Variants in SLC9A2 observed in about 807,000 individuals in gnomAD.
The protein encoded by SLC9A2 is sodium/hydrogen exchanger 2.
In SLC9A2, 42 loss-of-function variants were observed where a neutral mutation model predicts 71.7. The observed-to-expected ratio is 0.59, with a 90% CI of 0.46 to 0.76. SLC9A2 has a LOEUF of 0.76. Ranked by LOEUF, SLC9A2 falls within the 30% of genes least tolerant of loss-of-function variation. SLC9A2 has a pLI of 0.00. For missense variants in SLC9A2, 829 were observed against 1,017.4 expected (o/e 0.81, Z 2.52); for synonymous variants, 396 against 392.5 (o/e 1.01, Z -0.10).
intron 1 of SLC9A2, among the ~76,000 whole-genome samples, chr2:102,621,059 AG>A (rs60482207): frequency 0.021 from 3,190 of 152,204 alleles, 119 homozygotes; most frequent in African/African-American, 0.072. Context: ...CGGGAGGCTG[AG>A]GGAGGGAATT....
chr2:102,661,632 G>A (rs1234673025), intron 2 of SLC9A2, among the ~76,000 whole-genome samples: 1 of 152,044 alleles, frequency 6.6e-6, no homozygotes, highest in Non-Finnish European at 1.5e-5. Flanking sequence ...AAAGTTCAAA[G>A]TTCCTAACTC....
Position 102,695,024 on chromosome 2 carries a change from C to T in SLC9A2, c.1516-19C>T. 6.2e-7 allele frequency: 1 copy of T among 1,609,914 alleles called. No homozygotes were observed. Among genetic ancestry groups the T allele is most frequent in the Non-Finnish European group, 8.5e-7 (1 of 1,176,880 alleles). On this transcript the variant is annotated intron_variant, in intron 6 of 11. Coordinates refer to ENST00000233969, the MANE Select transcript of SLC9A2 (RefSeq NM_003048.6). Reference sequence around the variant, plus strand: ...TTTCAGGTAAAGACTAATCAATTTGCCTGCTTTTTCTGTTTTAGTTGTTTG... The same window carrying T: ...TTTCAGGTAAAGACTAATCAATTTGTCTGCTTTTTCTGTTTTAGTTGTTTG...
intron 5 of SLC9A2, 113 bp downstream of exon 5, chr2:102,684,449 C>T: frequency 1.0e-6 from 1 of 958,072 alleles, no homozygotes; most frequent in Non-Finnish European, 1.7e-6. Context: ...TAGTTAATTA[C>T]TAGGGAAAAT....
chr2:102,708,498 G>A lies in SLC9A2; in HGVS notation c.*9G>A, dbSNP rs750818227. 11 of 1,610,178 alleles carry A rather than the reference G, an allele frequency of 6.8e-6. No homozygotes were observed. The Admixed American group carries it at 1.3e-4, about 20-fold the overall frequency. On this transcript the variant is annotated 3_prime_UTR_variant, in exon 12 of 12. Transcript: ENST00000233969. ...GGAGTGAGAAGCCTTAAGAGAAGCA[G>A]CGAAAGCAGATCTGAGTGTCTGACC... is the stretch of plus-strand genomic sequence containing the variant.
rs150220423 is a variant in SLC9A2, at chr2:102,660,006, C to T, written c.753+1979C>T. ...CACACCAGGCCTCCACACTGCTTTC[C>T]CACCTCTGATCAAATTTTTATTCAG... is the stretch of plus-strand genomic sequence containing the variant. On this transcript the variant is annotated intron_variant, in intron 2 of 11. Coordinates refer to ENST00000233969, the MANE Select transcript of SLC9A2 (RefSeq NM_003048.6). Among the ~76,000 whole-genome samples, 1,400 of 152,234 alleles carry T rather than the reference C, an allele frequency of 9.2e-3. 12 individuals carry two copies. Among genetic ancestry groups the T allele is most frequent in the Admixed American group, 0.02 (311 of 15,292 alleles).
intron 3 of SLC9A2, among the ~76,000 whole-genome samples, chr2:102,674,930 C>G (rs1318340795): frequency 6.7e-6 from 1 of 150,266 alleles, no homozygotes; most frequent in South Asian, 2.1e-4. Flanking sequence ...CTCTGCAACT[C>G]TGTCACTGAA....
intron 3 of SLC9A2, among the ~76,000 whole-genome samples, chr2:102,671,153 C>T (rs193097606): frequency 2.5e-4 from 38 of 152,298 alleles, no homozygotes; most frequent in South Asian, 1.5e-3. Context: ...AGAGAGTTTA[C>T]AGAGAAGGAA....
chr2:102,708,521 AC>A lies in SLC9A2; in HGVS notation c.*35del. ...CAGCGAAAGCAGATCTGAGTGTCTG[AC>A]CCAGGACAGCTGTGGTTTGTCACTC... On this transcript the variant is annotated 3_prime_UTR_variant, in exon 12 of 12. Transcript: ENST00000233969. 6.3e-7 allele frequency: 1 copy of A among 1,591,338 alleles called. No individual in the cohort carries two copies. The highest frequency in any genetic ancestry group is 8.6e-7 in the Non-Finnish European group (1 of 1,168,704).
Position 102,704,521 on chromosome 2 carries a change from T to C in SLC9A2, c.1846-23T>C, listed in dbSNP as rs573660507. ...AGGTTTTTGTTTTTGTTTTTTAATG[T>C]CCTCTATATGTTTTCATTCCAGACT... On this transcript the variant is annotated intron_variant, in intron 9 of 11. Coordinates refer to ENST00000233969, the MANE Select transcript of SLC9A2 (RefSeq NM_003048.6). 18 of 1,604,490 alleles carry C rather than the reference T, an allele frequency of 1.1e-5. No homozygotes were observed. The African/African-American group carries it at 1.2e-4, about 11-fold the overall frequency.
chr2:102,632,962 T>G (rs945471693), intron 1 of SLC9A2, among the ~76,000 whole-genome samples: 1 of 152,186 alleles, frequency 6.6e-6, no homozygotes, highest in Non-Finnish European at 1.5e-5. Flanking sequence ...TGGGCCTGTT[T>G]CCTGGAGACC....
intron 3 of SLC9A2, among the ~76,000 whole-genome samples, chr2:102,672,567 TAAGG>T (rs1677273205): frequency 6.6e-6 from 1 of 152,200 alleles, no homozygotes; most frequent in African/African-American, 2.4e-5. Flanking sequence ...AGAAAGAAAA[TAAGG>T]AAGGAGAGAC....
intron 1 of SLC9A2, 128 bp from the exon 2 acceptor site, chr2:102,657,436 T>C: frequency 1.6e-6 from 1 of 634,818 alleles, no homozygotes; most frequent in Non-Finnish European, 2.7e-6. Context: ...GAAGCCATTG[T>C]AAAGACAGTG....
At chr2:102,630,353 G>A (rs1385115299) in intron 1 of SLC9A2, among the ~76,000 whole-genome samples, 1 of 151,886 alleles carries the variant, frequency 6.6e-6, no homozygotes, top group Non-Finnish European at 1.5e-5. Flanking sequence ...TGAGTGTAGG[G>A]TTTGGTGTTG....
intron 3 of SLC9A2, among the ~76,000 whole-genome samples, chr2:102,674,816 TTCTC>T (rs965634779): frequency 6.6e-6 from 1 of 152,218 alleles, no homozygotes; most frequent in African/African-American, 2.4e-5. Flanking sequence ...GCCTAAGCAT[TTCTC>T]TCTCTCAACT....
chr2:102,682,180 C>T (rs747017818), intron 3 of SLC9A2, among the ~76,000 whole-genome samples: 95 of 152,260 alleles, frequency 6.2e-4, no homozygotes, highest in Non-Finnish European at 1.0e-3. Context: ...ACAGGACCTT[C>T]GTAATGAAAT....
chr2:102,684,716 C>T (rs1349483906), intron 5 of SLC9A2, among the ~76,000 whole-genome samples: 1 of 152,124 alleles, frequency 6.6e-6, no homozygotes, highest in Non-Finnish European at 1.5e-5. Context: ...GCGGTGACTC[C>T]CCTAAATGAG....
At chr2:102,641,756 C>A (rs1676585623) in intron 1 of SLC9A2, among the ~76,000 whole-genome samples, 1 of 151,998 alleles carries the variant, frequency 6.6e-6, no homozygotes, top group African/African-American at 2.4e-5. Context: ...GTGCCTGACA[C>A]ATTTCATGAT....
chr2:102,695,375 G>C (rs150924741), intron 7 of SLC9A2, among the ~76,000 whole-genome samples: 76 of 152,162 alleles, frequency 5.0e-4, no homozygotes, highest in African/African-American at 1.6e-3. Flanking sequence ...ACTCCCCCAG[G>C]GTCCGAGGAC....
intron 1 of SLC9A2, among the ~76,000 whole-genome samples, chr2:102,656,250 A>G (rs1324702298): frequency 6.6e-6 from 1 of 152,144 alleles, no homozygotes; most frequent in East Asian, 1.9e-4. Context: ...CTTTCCCTAC[A>G]GGCCTCCTCC....
Sources: gnomAD v4.1 joint callset for allele counts (sites outside exome capture counted in the v4.1 genomes callset) on GRCh38, gnomAD v4.1.1 for gene constraint, MANE v1.5 for transcripts, NCBI Gene and HGNC (gene_info 2026-07-23, HGNC 2026-07-21) for gene names.